PKD1: variants seen among roughly 807,000 people sequenced by gnomAD.
PKD1 encodes the protein polycystin-1.
Under a neutral mutation model 361.7 loss-of-function variants are expected in PKD1, and 81 were observed. That is an observed-to-expected ratio of 0.22 (90% confidence interval 0.19 to 0.27). PKD1 has a LOEUF of 0.27. PKD1 is among the 10% of genes least tolerant of loss of function. The pLI is 1.00. For missense variants in PKD1, 6,399 were observed against 6,118.3 expected, an observed-to-expected ratio of 1.05 and a Z score of -1.53; for synonymous variants, 3,615 against 2,818.3, an observed-to-expected ratio of 1.28 and a Z score of -8.95.
chr16:2,121,984 C>A (rs2092728063), intron 1 of PKD1, among the ~76,000 whole-genome samples: 1 of 152,264 alleles, frequency 6.6e-6, no homozygotes, highest in East Asian at 1.9e-4. Context: ...AGCCCTGCTC[C>A]TCCCACCGGA....
Position 2,099,914 on chromosome 16 carries a change from G to C in PKD1, c.9870C>G (p.Leu3290=), listed in dbSNP as rs548997377. Residue 3290 remains leucine, a synonymous_variant, in exon 29 of 46, where the codon CTC becomes CTG. Transcript: ENST00000262304. ...RATCCVLLIC[L]FLGANAVWYG... Reference sequence around the variant, plus strand: ...ACCACACGGCGTTGGCGCCCAGGAAGAGGCAGATGAGGAGAACGCAGCAGG... The same window carrying C: ...ACCACACGGCGTTGGCGCCCAGGAACAGGCAGATGAGGAGAACGCAGCAGG... The C allele has an allele frequency of 6.4e-7, 1 of 1,565,568 alleles. No homozygotes were observed. Among genetic ancestry groups the C allele is most frequent in the Non-Finnish European group, 8.6e-7 (1 of 1,156,562 alleles).
chr16:2,132,004 A>G (rs2092887548), intron 1 of PKD1: 1 of 152,204 alleles, frequency 6.6e-6, no homozygotes, highest in African/African-American at 2.4e-5. Flanking sequence ...TAATCCCAAC[A>G]CTTTGGGAGG....
rs757456211 is a variant in PKD1 at position 2,111,045 on chromosome 16, G to A, written c.4122C>T (p.Ile1374=). Residue 1374 remains isoleucine (I), a synonymous_variant, in exon 15 of 46, where the codon ATC becomes ATT. Transcript: ENST00000262304. ...CGTTGCCCACCTCTGGCTCCACGCA[G>A]ATGCTGGTGAAGTAATGCGCCCTGT... ...RVNRAHYFTS[I]CVEPEVGNVT... 1.2e-6 allele frequency: 2 copies of A among 1,610,710 alleles called. No individual in the cohort carries two copies. Among genetic ancestry groups the A allele is most frequent in the East Asian group, 2.2e-5 (1 of 44,886 alleles).
Position 2,106,224 on chromosome 16 carries a change from C to G in PKD1, c.7570G>C (p.Glu2524Gln). Residue 2524 changes from glutamate to glutamine, a missense_variant, in exon 19 of 46, where the codon GAG becomes CAG. By Grantham distance (29) the Glu-to-Gln change is conservative. Transcript: ENST00000262304. The surrounding 1 kb of genome is among the most constrained non-coding windows in gnomAD (Gnocchi z 6.5). ...AGGCTGCCCTTGTAGACACAGAACT[C>G]CTCGCAGTGGCCCTGGCGACAGCGC... The part of the protein sequence containing the change: ...LRRCRQGHCE[E>Q]FCVYKGSLSS... The G allele has an allele frequency of 2.5e-6, 4 of 1,610,256 alleles. No homozygotes were observed. The highest frequency in any genetic ancestry group is 3.4e-6 in the Non-Finnish European group (4 of 1,179,566).
chr16:2,119,615 T>C (rs916970927), intron 1 of PKD1, among the ~76,000 whole-genome samples: 2 of 152,146 alleles, frequency 1.3e-5, no homozygotes, highest in Admixed American at 1.3e-4. Context: ...CTCAGCCCTA[T>C]GCCGAGTGCC....
rs570317373 is a variant in PKD1 at position 2,124,032 on chromosome 16, C to T, written c.216-4654G>A. ...GCGTGGGACCCAGCGGGCTCCTTAGCGGCTGCTGGGGCACCACTGGGTGGA... is the reference window on the plus strand; with the variant it reads ...GCGTGGGACCCAGCGGGCTCCTTAGTGGCTGCTGGGGCACCACTGGGTGGA... On this transcript the variant is annotated intron_variant, in intron 1 of 45. Transcript: ENST00000262304. Among the ~76,000 whole-genome samples the T allele has an allele frequency of 3.5e-3, 534 of 152,304 alleles. 1 individual carries two copies. The highest frequency in any genetic ancestry group is 0.012 in the African/African-American group (515 of 41,568).
At position 2,105,972 on chromosome 16, in the gene PKD1, C is replaced by T. The variant is rs2151770451; in HGVS notation, c.7756G>A (p.Val2586Ile). ...CTAGCGGTGAGCCCGTGCAGCCAGACTGTGAGCCCCGTTGCGCTGCCGTTG... is the reference window on the plus strand; with the variant it reads ...CTAGCGGTGAGCCCGTGCAGCCAGATTGTGAGCCCCGTTGCGCTGCCGTTG... The part of the protein sequence containing the change: ...EPNGSATGLT[V>I]WLHGLTASVL... Residue 2586 changes from valine to isoleucine, a missense_variant, in exon 20 of 46, where the codon GTC becomes ATC. Coordinates refer to ENST00000262304, the MANE Select transcript of PKD1 (RefSeq NM_001009944.3). The T allele has an allele frequency of 1.2e-6, 2 of 1,601,688 alleles. No individual in the cohort carries two copies. The highest frequency in any genetic ancestry group is 1.7e-6 in the Non-Finnish European group (2 of 1,179,668).
At position 2,090,495 on chromosome 16, in the gene PKD1, C is replaced by G; in HGVS notation, c.12234G>C (p.Glu4078Asp). Reference sequence around the variant, plus strand: ...ACAGCAGGGGTGACAGGTGCCAGGACTCGGCAGGACACAGGGTAGAGAGCC... The same window carrying G: ...ACAGCAGGGGTGACAGGTGCCAGGAGTCGGCAGGACACAGGGTAGAGAGCC... ...GTGLSTLCPAESWHLSPLLCV... is the reference protein window; with the variant it reads ...GTGLSTLCPADSWHLSPLLCV... The change falls in exon 45 of 46, where the codon GAG (glutamate) becomes GAC (aspartate). Residue 4078 changes from glutamate to aspartate, a missense_variant. Glu to Asp is a conservative substitution (Grantham distance 45, BLOSUM62 2). Transcript: ENST00000262304. 6.2e-7 allele frequency: 1 copy of G among 1,611,778 alleles called. No homozygotes were observed. Among genetic ancestry groups the G allele is most frequent in the Non-Finnish European group, 8.5e-7 (1 of 1,179,642 alleles).
At position 2,097,398 on chromosome 16, in the gene PKD1, C is replaced by G; in HGVS notation, c.10326G>C (p.Ala3442=). The G allele has an allele frequency of 6.2e-7, 1 of 1,610,428 alleles. No homozygotes were observed. Among genetic ancestry groups the G allele is most frequent in the Non-Finnish European group, 8.5e-7 (1 of 1,179,796 alleles). ...SNLRQLARGQ[A]GHGLGPEEDG... ...CCTCCTCTGGGCCCAGCCCATGGCC[C>G]GCCTGGCCCCGTGCCAGCTGCCGCA... Residue 3442 remains alanine, a synonymous_variant, in exon 33 of 46, where the codon GCG becomes GCC. Transcript: ENST00000262304.
rs1157434454 is a variant in PKD1, at chr16:2,110,144, C to A, written c.5023G>T (p.Ala1675Ser). ...SWTAWRDRGP[A>S]LAGSGKGFSL... is the part of the protein sequence containing the mutation. ...AAGCCTTTGCCGCTGCCGGCCAGGG[C>A]CGGGCCCCTGTCCCTCCAGGCAGTC... Residue 1675 changes from alanine (A) to serine (S), a missense_variant, in exon 15 of 46, where the codon GCC becomes TCC. Physicochemically the swap from Ala to Ser is moderately conservative, Grantham distance 99. Transcript: ENST00000262304. 1 of 1,609,820 alleles carries A rather than the reference C, an allele frequency of 6.2e-7. No individual in the cohort carries two copies. Among genetic ancestry groups the A allele is most frequent in the Admixed American group, 1.7e-5 (1 of 59,870 alleles).
rs139945204 is a variant in PKD1 at position 2,100,465 on chromosome 16, T to A, written c.9499A>T (p.Ile3167Phe). 1.1e-3 allele frequency: 1,741 copies of A among 1,610,874 alleles called. 6 individuals are homozygous for A. The highest frequency in any genetic ancestry group is 1.3e-3 in the Non-Finnish European group (1,534 of 1,179,698). The change falls in exon 27 of 46, where the codon ATC (isoleucine) becomes TTC (phenylalanine). Residue 3167 changes from isoleucine (I) to phenylalanine (F), a missense_variant. By Grantham distance (21) the Ile-to-Phe change is conservative (BLOSUM62 0). Coordinates refer to ENST00000262304, the MANE Select transcript of PKD1 (RefSeq NM_001009944.3). This position sits in a 1 kb window ranked among gnomAD's most constrained non-coding sequence, Gnocchi z 4.4. Reference protein sequence around the residue: ...DRAFHRNSLDIFRIATPHSLG... With the variant: ...DRAFHRNSLDFFRIATPHSLG... ...CTGTGCGGGGTGGCGATCCGGAAGA[T>A]GTCCAGGCTGTTGCGGTGGAAGGCT...
At chr16:2,105,207 A>C in intron 21 of PKD1, 115 bp downstream of exon 21, 1 of 969,762 alleles carries the variant, frequency 1.0e-6, no homozygotes, top group South Asian at 1.4e-5. Flanking sequence ...CATGGCAGGA[A>C]GGAGCCCAGG....
In PKD1 at chr16:2,091,937, C is replaced by T. The variant is rs772916096; in HGVS notation, c.11412-31G>A. On this transcript the variant is annotated intron_variant, in intron 40 of 45. Transcript: ENST00000262304. ...GGAGAGGGGTGGCGTGGGTGCCGCA[C>T]CCCAGCCCTTCCGGCACCCCGGAGC... 3 of 1,611,620 alleles carry T rather than the reference C, an allele frequency of 1.9e-6. No homozygotes were observed. The South Asian group carries it at 3.3e-5, about 18-fold the overall frequency.
Position 2,106,501 on chromosome 16 carries a change from G to T in PKD1, c.7386C>A (p.Ser2462=). The T allele has an allele frequency of 6.3e-7, 1 of 1,594,814 alleles. No individual in the cohort carries two copies. Among genetic ancestry groups the T allele is most frequent in the Non-Finnish European group, 8.5e-7 (1 of 1,178,200 alleles). Residue 2462 remains serine, a synonymous_variant, in exon 18 of 46, where the codon TCC becomes TCA. Coordinates refer to ENST00000262304, the MANE Select transcript of PKD1 (RefSeq NM_001009944.3). The surrounding 1 kb of genome is among the most constrained non-coding windows in gnomAD (Gnocchi z 6.5). ...GRSGEEEGCA[S]IRLSPNRPPL... is the part of the protein sequence containing the mutation. ...GCGGGCGGTTGGGGGACAGGCGGAT[G>T]GAGGCGCAGCCCTCCTCCTCGCCAG...
At position 2,102,506 on chromosome 16, in the gene PKD1, G is replaced by C. The variant is rs1354953295; in HGVS notation, c.9076C>G (p.Arg3026Gly). 3 of 1,593,740 alleles carry C rather than the reference G, an allele frequency of 1.9e-6. No individual in the cohort carries two copies. Among genetic ancestry groups the C allele is most frequent in the Non-Finnish European group, 2.6e-6 (3 of 1,172,130 alleles). ...TCCAGGGGCAGCAGCCCCTCTGTCC[G>C]CCACACCATGTCCTCCTCGCTGAAG... is the stretch of plus-strand genomic sequence containing the variant. ...QYFSEEDMVW[R>G]TEGLLPLEET... The change falls in exon 25 of 46, where the codon CGG (arginine) becomes GGG (glycine). Residue 3026 changes from arginine (R) to glycine (G), a missense_variant. Transcript: ENST00000262304.
chr16:2,119,084 C>T (rs2092683042), intron 3 of PKD1, 30 bp downstream of exon 3: 1 of 1,113,130 alleles, frequency 9.0e-7, no homozygotes, highest in Non-Finnish European at 1.3e-6. Context: ...GGGGTCCAGC[C>T]AGGACCCCAC....
chr16:2,129,180 T>A (rs925919489), intron 1 of PKD1, among the ~76,000 whole-genome samples: 97 of 147,498 alleles, frequency 6.6e-4, no homozygotes, highest in African/African-American at 1.1e-3. Flanking sequence ...TTTTTTTTTT[T>A]AAAGACCGTT....
Position 2,093,640 on chromosome 16 carries a change from G to A in PKD1, c.10920C>T (p.Ser3640=), listed in dbSNP as rs150388984. The A allele has an allele frequency of 2.3e-4, 376 of 1,609,086 alleles. No individual in the cohort carries two copies. Among genetic ancestry groups the A allele is most frequent in the Non-Finnish European group, 3.0e-4 (354 of 1,178,184 alleles). Residue 3640 remains serine, a synonymous_variant, in exon 37 of 46, where the codon AGC becomes AGT. Transcript: ENST00000262304. ...LVESPAVTPV[S]ARVPRVRPPH... is the part of the protein sequence containing the mutation. ...GTGGCCGTACGCGGGGCACACGTGC[G>A]CTCACAGGCGTCACAGCCGGGCTCT...
chr16:2,090,257 C>T (rs767127173), intron 45 of PKD1, 28 bp downstream of exon 45: 2 of 1,608,548 alleles, frequency 1.2e-6, no homozygotes, highest in African/African-American at 1.3e-5. Flanking sequence ...AGGGCGTGTC[C>T]CTCTCCCCCC....
Sources: allele counts gnomAD v4.1 joint callset (sites outside exome capture counted in the v4.1 genomes callset), GRCh38; gene constraint gnomAD v4.1.1; non-coding constraint Gnocchi (gnomAD v3.1); transcripts MANE v1.5; gene names NCBI Gene and HGNC (gene_info 2026-07-23, HGNC 2026-07-21).